NTF3: variants seen among roughly 807,000 people sequenced by gnomAD.
The protein encoded by NTF3 is neurotrophin-3.
NTF3 carries 8 observed loss-of-function variants against 26.3 expected under a neutral mutation model. The ratio of observed to expected loss-of-function variants is 0.30; its 90% CI spans 0.18 to 0.55. The LOEUF (loss-of-function observed/expected upper bound fraction) is 0.55, where lower values mean the gene tolerates loss of function less well. NTF3 is among the 20% of genes least tolerant of loss of function. The pLI is 0.93. For synonymous variants in NTF3, 154 were observed against 145.5 expected (o/e 1.06, Z -0.42); for missense variants, 276 against 352.9 (o/e 0.78, Z 1.75).
intron 1 of NTF3, among the ~76,000 whole-genome samples, chr12:5,445,696 C>G (rs1260540290): frequency 2.0e-5 from 3 of 152,210 alleles, no homozygotes; most frequent in African/African-American, 7.2e-5. Context: ...CAGAAGCTCA[C>G]GAGGTGAATG....
intron 1 of NTF3, among the ~76,000 whole-genome samples, chr12:5,488,074 C>T (rs927006228): frequency 6.6e-6 from 1 of 152,178 alleles, no homozygotes; most frequent in African/African-American, 2.4e-5. Flanking sequence ...ACAGAGCTAG[C>T]AGGGAAGAAG....
At chr12:5,431,608 G>T (rs986747214), upstream of NTF3, among the ~76,000 whole-genome samples, 1 of 152,046 alleles carries the variant, frequency 6.6e-6, no homozygotes, top group East Asian at 1.9e-4. Context: ...AGCTGGAAGG[G>T]TCTAAGGTTT....
intron 1 of NTF3, among the ~76,000 whole-genome samples, chr12:5,468,538 G>A (rs1412923068): frequency 6.6e-6 from 1 of 152,136 alleles, no homozygotes; most frequent in Non-Finnish European, 1.5e-5. Flanking sequence ...ATGCTGTTAC[G>A]AGTCCTTTCT....
chr12:5,438,839 T>G (rs1261241796), intron 1 of NTF3, among the ~76,000 whole-genome samples: 2 of 152,172 alleles, frequency 1.3e-5, no homozygotes, highest in Non-Finnish European at 2.9e-5. Context: ...TTAGAAGATC[T>G]CCCAGTCCCA....
upstream of NTF3, among the ~76,000 whole-genome samples, chr12:5,431,847 A>T (rs1158134428): frequency 6.6e-6 from 1 of 151,994 alleles, no homozygotes; most frequent in Admixed American, 6.6e-5. Context: ...GGGGTTACTG[A>T]AGAATACTAC....
In NTF3 at chr12:5,432,135, C is replaced by A; in HGVS notation, c.-190C>A. 1 of 686,970 alleles carries A rather than the reference C, an allele frequency of 1.5e-6. No homozygotes were observed. Among genetic ancestry groups the A allele is most frequent in the Non-Finnish European group, 2.6e-6 (1 of 383,756 alleles). The allele number at this position is 686,970 out of a possible 1,614,324, so 42.6% of individuals were successfully genotyped here. A position where few individuals can be genotyped will look rare whatever the true frequency, so the allele number is the denominator to read the frequency against. ...TCAGAGTTGAAGCTCCTCTCCCTTCCGAACAGCTCCGCGCACCGCCCCGCG... is the reference window on the plus strand; with the variant it reads ...TCAGAGTTGAAGCTCCTCTCCCTTCAGAACAGCTCCGCGCACCGCCCCGCG... On this transcript the variant is annotated 5_prime_UTR_variant, in exon 1 of 2. Transcript: ENST00000423158.
chr12:5,483,502 A>G (rs1163916992), intron 1 of NTF3, among the ~76,000 whole-genome samples: 1 of 152,204 alleles, frequency 6.6e-6, no homozygotes, highest in East Asian at 1.9e-4. Context: ...CCTTGGTGAC[A>G]TTACAAGATG....
chr12:5,454,058 AAAGCACCACAAATTGGGTGGC>A (rs1281444946), intron 1 of NTF3, among the ~76,000 whole-genome samples: 9 of 152,206 alleles, frequency 5.9e-5, no homozygotes, highest in Non-Finnish European at 1.2e-4. Flanking sequence ...CTGCCGTAAC[AAAGCACCACAAATTGGGTGGC>A]TTAGCACAAC....
chr12:5,448,005 A>G (rs1316238995), intron 1 of NTF3, among the ~76,000 whole-genome samples: 3 of 152,322 alleles, frequency 2.0e-5, no homozygotes, highest in East Asian at 1.9e-4. Context: ...ACCTGGGTTT[A>G]TTTCAGTATG....
At chr12:5,481,970 G>C (rs1477458778) in intron 1 of NTF3, among the ~76,000 whole-genome samples, 1 of 151,392 alleles carries the variant, frequency 6.6e-6, no homozygotes, top group African/African-American at 2.4e-5. Context: ...CACACACACA[G>C]AGAAACAGAC....
intron 1 of NTF3, among the ~76,000 whole-genome samples, chr12:5,452,096 CTTTT>C (rs56032205): frequency 2.4e-4 from 31 of 126,966 alleles, no homozygotes; most frequent in Non-Finnish European, 2.3e-4. Context: ...TTTTTCTTTT[CTTTT>C]TTTTTTTTTT....
upstream of NTF3, among the ~76,000 whole-genome samples, chr12:5,431,844 C>T (rs1940091917): frequency 6.6e-6 from 1 of 152,006 alleles, no homozygotes; most frequent in Admixed American, 6.5e-5. Flanking sequence ...GTGGGGGTTA[C>T]TGAAGAATAC....
intron 1 of NTF3, among the ~76,000 whole-genome samples, chr12:5,457,699 T>C (rs1034855454): frequency 1.3e-5 from 2 of 152,194 alleles, no homozygotes; most frequent in South Asian, 4.1e-4. Context: ...CTTTGTAGGC[T>C]CCTAAACTCA....
At chr12:5,478,850 C>T (rs1940754887) in intron 1 of NTF3, among the ~76,000 whole-genome samples, 1 of 152,236 alleles carries the variant, frequency 6.6e-6, no homozygotes, top group Non-Finnish European at 1.5e-5. Flanking sequence ...TTGTCCCCTA[C>T]TGTATGTGCC....
At chr12:5,485,152 A>G (rs1940852772) in intron 1 of NTF3, among the ~76,000 whole-genome samples, 1 of 152,230 alleles carries the variant, frequency 6.6e-6, no homozygotes, top group Non-Finnish European at 1.5e-5. Context: ...CACTAGCCCC[A>G]TATCACCTAG....
chr12:5,491,859 A>G (rs1238713550), intron 1 of NTF3, among the ~76,000 whole-genome samples: 1 of 151,234 alleles, frequency 6.6e-6, no homozygotes, highest in African/African-American at 2.4e-5. Flanking sequence ...AGCTGGGACT[A>G]CAGGCTGCCA....
At chr12:5,475,854 A>AAGAGAGAG (rs71064158) in intron 1 of NTF3, among the ~76,000 whole-genome samples, 6 of 146,688 alleles carry the variant, frequency 4.1e-5, no homozygotes, top group African/African-American at 1.3e-4. Flanking sequence ...AAAAAGAAGA[A>AAGAGAGAG]AGAGAGAGAG....
intron 1 of NTF3, among the ~76,000 whole-genome samples, chr12:5,471,922 T>G (rs1940670684): frequency 6.6e-6 from 1 of 152,134 alleles, no homozygotes; most frequent in African/African-American, 2.4e-5. Context: ...CCTGCGAGTC[T>G]CATGCAGAGA....
chr12:5,455,575 CACACACACAT>C (rs767963890), intron 1 of NTF3, among the ~76,000 whole-genome samples: 17,009 of 118,154 alleles, frequency 0.14, 1,540 homozygotes, highest in African/African-American at 0.17. Context: ...CACACACACA[CACACACACAT>C]AGCCCCTGTG....
Sources: allele counts gnomAD v4.1 joint callset (sites outside exome capture counted in the v4.1 genomes callset), GRCh38; gene constraint gnomAD v4.1.1; transcripts MANE v1.5; gene names NCBI Gene and HGNC (gene_info 2026-07-23, HGNC 2026-07-21).